Variants in CMSS1 observed in about 807,000 individuals in gnomAD.
CMSS1 encodes cms1 ribosomal small subunit homolog, also known as protein CMSS1.
Under a neutral mutation model 43.5 loss-of-function variants are expected in CMSS1, and 33 were observed. The observed-to-expected ratio is 0.76, with a 90% CI of 0.57 to 1.01. The LOEUF (loss-of-function observed/expected upper bound fraction) is 1.01, where lower values mean the gene tolerates loss of function less well. Among genes scored for constraint, CMSS1 ranks in the 50% least tolerant of loss-of-function variants. The pLI is 0.00. For synonymous variants in CMSS1, 115 were observed against 117.2 expected (o/e 0.98, Z 0.12); for missense variants, 313 against 326.4 (o/e 0.96, Z 0.32).
chr3:99,871,705 G>T (rs1559669456), intron 1 of CMSS1, among the ~76,000 whole-genome samples: 2 of 152,210 alleles, frequency 1.3e-5, no homozygotes, highest in Non-Finnish European at 2.9e-5. Context: ...ATGCTTAGCT[G>T]GAAGATACTA....
At chr3:99,849,309 T>A (rs1943537016) in intron 1 of CMSS1, 1 of 1,614,038 alleles carries the variant, frequency 6.2e-7, no homozygotes, top group Non-Finnish European at 8.5e-7. Context: ...GATCGGAAAT[T>A]CTTCTTCCAT....
chr3:99,945,400 G>T (rs960806019), intron 1 of CMSS1, among the ~76,000 whole-genome samples: 1 of 152,148 alleles, frequency 6.6e-6, no homozygotes, highest in South Asian at 2.1e-4. Context: ...TGAGCTTGGG[G>T]GTTCCACCCA....
chr3:100,153,026 G>A (rs1346467647), intron 2 of CMSS1, among the ~76,000 whole-genome samples: 2 of 152,162 alleles, frequency 1.3e-5, no homozygotes, highest in Non-Finnish European at 2.9e-5. Context: ...TTATCTTAAA[G>A]TATGTATATT....
chr3:100,059,392 G>A (rs151173753), intron 1 of CMSS1, among the ~76,000 whole-genome samples: 63 of 152,286 alleles, frequency 4.1e-4, no homozygotes, highest in African/African-American at 1.3e-3. Flanking sequence ...CTTGCTTTTA[G>A]CCTCATCTCC....
Position 99,843,495 on chromosome 3 carries a change from A to G in CMSS1, c.64+25452A>G, listed in dbSNP as rs148498677. On this transcript the variant is annotated intron_variant, in intron 1 of 9. Coordinates refer to ENST00000421999, the MANE Select transcript of CMSS1 (RefSeq NM_032359.4). ...TAATTTAAAGAGAGGGACTATGGTC[A>G]GAATACATTTGCCAGTGCTTGTCAA... Among the ~76,000 whole-genome samples the G allele has an allele frequency of 4.8e-3, 724 of 152,356 alleles. 18 individuals are homozygous for G. Among genetic ancestry groups the G allele is most frequent in the Admixed American group, 0.043 (655 of 15,298 alleles).
At chr3:100,008,702 T>C (rs1710058610) in intron 1 of CMSS1, among the ~76,000 whole-genome samples, 1 of 152,258 alleles carries the variant, frequency 6.6e-6, no homozygotes, top group South Asian at 2.1e-4. Flanking sequence ...GTACCATTAA[T>C]GTTTGCATAT....
At chr3:100,137,304 TC>T (rs1448649274) in intron 1 of CMSS1, among the ~76,000 whole-genome samples, 1 of 151,854 alleles carries the variant, frequency 6.6e-6, no homozygotes, top group East Asian at 1.9e-4. Flanking sequence ...ATATAGAACT[TC>T]CCCCACAAAA....
rs182474936 is a variant in CMSS1, at chr3:100,008,416, G to A, written c.65-138557G>A. ...AAGATTTTCATATGAGTTGCAGCCA[G>A]GGTACCCTTCATATAAGTGTTACCA... is the stretch of plus-strand genomic sequence containing the variant. On this transcript the variant is annotated intron_variant, in intron 1 of 9. Transcript: ENST00000421999. 2.6e-3 allele frequency among the ~76,000 whole-genome samples: 393 copies of A among 152,258 alleles called. 2 individuals are homozygous for A. Among genetic ancestry groups the A allele is most frequent in the African/African-American group, 8.3e-3 (345 of 41,536 alleles).
At chr3:100,021,412 C>G (rs762023178) in intron 1 of CMSS1, among the ~76,000 whole-genome samples, 1 of 152,156 alleles carries the variant, frequency 6.6e-6, no homozygotes, top group African/African-American at 2.4e-5. Context: ...GCTTATGATG[C>G]ACAGCATTAA....
chr3:100,007,488 C>A (rs1233835742), intron 1 of CMSS1, among the ~76,000 whole-genome samples: 1 of 152,000 alleles, frequency 6.6e-6, no homozygotes, highest in East Asian at 1.9e-4. Flanking sequence ...GAAATCAAAT[C>A]ATGAAAGATG....
At chr3:99,827,703 C>A (rs1942561331) in intron 1 of CMSS1, among the ~76,000 whole-genome samples, 4 of 152,066 alleles carry the variant, frequency 2.6e-5, no homozygotes, top group African/African-American at 9.7e-5. Flanking sequence ...CTCCCAGGTT[C>A]AAGCAGATTC....
At chr3:100,111,521 G>A (rs1166485884) in intron 1 of CMSS1, among the ~76,000 whole-genome samples, 1 of 152,110 alleles carries the variant, frequency 6.6e-6, no homozygotes, top group Non-Finnish European at 1.5e-5. Context: ...AAAACACCTT[G>A]TAGGTATAAA....
At chr3:99,921,145 G>A (rs1244709351) in intron 1 of CMSS1, among the ~76,000 whole-genome samples, 1 of 152,180 alleles carries the variant, frequency 6.6e-6, no homozygotes, top group Non-Finnish European at 1.5e-5. Context: ...TTTGTGGGAG[G>A]CAGCTGTGTC....
At chr3:100,030,101 C>T (rs145090643) in intron 1 of CMSS1, among the ~76,000 whole-genome samples, 259 of 152,202 alleles carry the variant, frequency 1.7e-3, no homozygotes, top group African/African-American at 5.8e-3. Flanking sequence ...GATAAGGAAA[C>T]GGAGACCCAA....
intron 1 of CMSS1, among the ~76,000 whole-genome samples, chr3:100,039,102 G>T (rs1470708786): frequency 2.0e-5 from 3 of 152,132 alleles, no homozygotes; most frequent in Non-Finnish European, 4.4e-5. Context: ...AGGAAATTAT[G>T]CTTTCACCAG....
intron 1 of CMSS1, chr3:99,847,984 T>C: frequency 9.3e-7 from 1 of 1,070,794 alleles, no homozygotes; most frequent in Non-Finnish European, 1.1e-6. Flanking sequence ...CCAAGACAAG[T>C]TGCAGTCAAA....
chr3:100,015,101 T>C (rs1446175190), intron 1 of CMSS1, among the ~76,000 whole-genome samples: 1 of 151,990 alleles, frequency 6.6e-6, no homozygotes, highest in Non-Finnish European at 1.5e-5. Context: ...AATTTCATTC[T>C]TCCTCATGTA....
intron 1 of CMSS1, among the ~76,000 whole-genome samples, chr3:99,981,357 C>T (rs1420356854): frequency 6.6e-6 from 1 of 152,188 alleles, no homozygotes; most frequent in Non-Finnish European, 1.5e-5. Flanking sequence ...AAGAGTCAGG[C>T]CCTCCACCCA....
At chr3:100,171,692 C>T in intron 6 of CMSS1, 147 bp from the exon 7 acceptor site, 1 of 645,892 alleles carries the variant, frequency 1.5e-6, no homozygotes, top group Non-Finnish European at 2.7e-6. Context: ...GGCTAACCTG[C>T]AAATCTCAGA....
Sources: allele counts gnomAD v4.1 joint callset (sites outside exome capture counted in the v4.1 genomes callset), GRCh38; gene constraint gnomAD v4.1.1; transcripts MANE v1.5; gene names NCBI Gene and HGNC (gene_info 2026-07-23, HGNC 2026-07-21).